The following ACACA variants were observed in gnomAD, a reference collection of about 807,000 sequenced individuals.
ACACA encodes acetyl-CoA carboxylase alpha, also known as acetyl-CoA carboxylase 1.
Under a neutral mutation model 296.1 loss-of-function variants are expected in ACACA, and 103 were observed. That is an observed-to-expected ratio of 0.35 (90% confidence interval 0.30 to 0.41). ACACA has a LOEUF of 0.41. ACACA is among the 10% of genes least tolerant of loss of function. The probability of loss-of-function intolerance (pLI) is 1.00; values close to 1 mark genes in which losing one functional copy is unlikely to be tolerated. For missense variants in ACACA, 1,554 were observed against 2,989.7 expected (o/e 0.52, Z 11.20); for synonymous variants, 953 against 1,038.6 (o/e 0.92, Z 1.58).
At chr17:37,356,255 G>A (rs959008577) in intron 1 of ACACA, among the ~76,000 whole-genome samples, 4 of 152,168 alleles carry the variant, frequency 2.6e-5, no homozygotes, top group African/African-American at 7.2e-5. Context: ...AAGATTAATG[G>A]TAATTATCTC....
intron 24 of ACACA, among the ~76,000 whole-genome samples, chr17:37,238,576 C>CT (rs1191062339): frequency 1.3e-5 from 2 of 152,178 alleles, no homozygotes; most frequent in South Asian, 4.1e-4. Context: ...TGAGACTTGT[C>CT]TTTTATGGAA....
intron 1 of ACACA, chr17:37,345,422 G>A (rs750850428): frequency 6.6e-6 from 1 of 152,132 alleles, no homozygotes; most frequent in African/African-American, 2.4e-5. Context: ...TAACATCAAC[G>A]TCCCTAATTG....
chr17:37,168,514 T>C (rs549102721), intron 41 of ACACA, among the ~76,000 whole-genome samples: 5 of 151,994 alleles, frequency 3.3e-5, no homozygotes, highest in African/African-American at 1.2e-4. Context: ...CGTTTGAGCA[T>C]TTCCATAACA....
chr17:37,231,766 A>G (rs746704544), intron 25 of ACACA, among the ~76,000 whole-genome samples: 3 of 152,368 alleles, frequency 2.0e-5, no homozygotes, highest in East Asian at 1.9e-4. Context: ...ATTGCCATCT[A>G]GACAGCTATG....
intron 1 of ACACA, among the ~76,000 whole-genome samples, chr17:37,374,035 T>A (rs977434836): frequency 6.6e-6 from 1 of 152,204 alleles, no homozygotes; most frequent in Non-Finnish European, 1.5e-5. Flanking sequence ...CTCATTTCTC[T>A]GCTTTCTTTC....
intron 1 of ACACA, among the ~76,000 whole-genome samples, chr17:37,385,366 G>A (rs1481349033): frequency 1.3e-5 from 2 of 152,088 alleles, no homozygotes; most frequent in African/African-American, 4.8e-5. Context: ...TCAGCTACTT[G>A]GGAGGCTGAG....
intron 41 of ACACA, among the ~76,000 whole-genome samples, chr17:37,173,766 C>T (rs2076960717): frequency 6.7e-6 from 1 of 150,370 alleles, no homozygotes; most frequent in Non-Finnish European, 1.5e-5. Flanking sequence ...CATTTCACCC[C>T]TGAGAACATA....
intron 3 of ACACA, among the ~76,000 whole-genome samples, chr17:37,310,693 A>T (rs1158055910): frequency 6.6e-6 from 1 of 151,194 alleles, no homozygotes; most frequent in Non-Finnish European, 1.5e-5. Context: ...TACCTGGGAG[A>T]CTGAAGCAGG....
intron 3 of ACACA, among the ~76,000 whole-genome samples, chr17:37,322,185 T>G (rs1411885234): frequency 6.6e-6 from 1 of 152,178 alleles, no homozygotes; most frequent in Non-Finnish European, 1.5e-5. Flanking sequence ...AATAGAAATA[T>G]AACTCAACTT....
At chr17:37,290,452 G>A (rs1326713647) in intron 3 of ACACA, among the ~76,000 whole-genome samples, 3 of 152,172 alleles carry the variant, frequency 2.0e-5, no homozygotes, top group African/African-American at 4.8e-5. Flanking sequence ...ACTATGCTAA[G>A]CTCTTCACAT....
At chr17:37,241,723 A>AATG (rs1440509125) in intron 23 of ACACA, among the ~76,000 whole-genome samples, 1 of 152,122 alleles carries the variant, frequency 6.6e-6, no homozygotes, top group Non-Finnish European at 1.5e-5. Flanking sequence ...TAATAATAAT[A>AATG]ATAAATAATT....
intron 2 of ACACA, among the ~76,000 whole-genome samples, chr17:37,333,863 G>C (rs928874434): frequency 2.0e-5 from 3 of 150,894 alleles, no homozygotes; most frequent in African/African-American, 7.3e-5. Context: ...GTATCTACTA[G>C]TTTGGGTAGA....
chr17:37,312,826 A>G (rs1210783692), intron 3 of ACACA, among the ~76,000 whole-genome samples: 1 of 152,184 alleles, frequency 6.6e-6, no homozygotes, highest in Admixed American at 6.5e-5. Context: ...CAGGAGTTTG[A>G]AACCAGCCTG....
chr17:37,336,052 C>T (rs2147277509), intron 2 of ACACA, among the ~76,000 whole-genome samples: 1 of 152,272 alleles, frequency 6.6e-6, no homozygotes, highest in South Asian at 2.1e-4. Flanking sequence ...AATATTGTTA[C>T]TCCTCTTTGG....
rs190389723 is a variant in ACACA, at chr17:37,269,627, G to C, written c.1119+1124C>G. 1.2e-3 allele frequency among the ~76,000 whole-genome samples: 186 copies of C among 152,228 alleles called. 1 individual carries two copies. Among genetic ancestry groups the C allele is most frequent in the East Asian group, 7.7e-4 (4 of 5,182 alleles). On this transcript the variant is annotated intron_variant, in intron 10 of 55. Coordinates refer to ENST00000616317, the MANE Select transcript of ACACA (RefSeq NM_198834.3). Reference sequence around the variant, plus strand: ...ATCACTTGCACAGTATTGTAAAGTTGTTTGTTTGTTGATTGTAAGTTGAAA... The same window carrying C: ...ATCACTTGCACAGTATTGTAAAGTTCTTTGTTTGTTGATTGTAAGTTGAAA...
intron 29 of ACACA, 59 bp downstream of exon 29, chr17:37,221,665 C>G: frequency 1.5e-6 from 2 of 1,317,738 alleles, no homozygotes; most frequent in Non-Finnish European, 2.2e-6. Context: ...ACATTACTCC[C>G]CTTGATTCTC....
rs760260470 is a variant in ACACA, at chr17:37,101,022, G to A, written c.6566-3038C>T. Among the ~76,000 whole-genome samples, 12 of 151,890 alleles carry A rather than the reference G, an allele frequency of 7.9e-5. No homozygotes were observed. In the East Asian group the frequency reaches 1.5e-3, roughly 20 times the overall value. On this transcript the variant is annotated intron_variant, in intron 52 of 55. Transcript: ENST00000616317. ...TGAGGCGTGAGAATTGCTTGAACCC[G>A]GGAACTGGAGTTTGCAGTGAGTTAA... is the stretch of plus-strand genomic sequence containing the variant.
intron 41 of ACACA, among the ~76,000 whole-genome samples, chr17:37,175,292 C>T (rs967585371): frequency 2.1e-4 from 32 of 152,212 alleles, no homozygotes; most frequent in Admixed American, 1.3e-3. Flanking sequence ...CTGTCAAGTC[C>T]GTTACAGCCC....
intron 3 of ACACA, among the ~76,000 whole-genome samples, chr17:37,306,384 T>G (rs911089260): frequency 1.3e-5 from 2 of 152,178 alleles, no homozygotes; most frequent in Non-Finnish European, 2.9e-5. Context: ...TTTTATTTAC[T>G]TTTTAATGAC....
Sources: allele counts gnomAD v4.1 joint callset (sites outside exome capture counted in the v4.1 genomes callset), GRCh38; gene constraint gnomAD v4.1.1; transcripts MANE v1.5; gene names NCBI Gene and HGNC (gene_info 2026-07-23, HGNC 2026-07-21).